The following PKNOX2 variants were observed in gnomAD, a reference collection of about 807,000 sequenced individuals.
PKNOX2 encodes homeobox protein PKNOX2.
A neutral mutation model predicts 53.1 loss-of-function variants in PKNOX2; 14 were observed. The observed-to-expected ratio is 0.26, with a 90% CI of 0.17 to 0.41. The LOEUF (loss-of-function observed/expected upper bound fraction) is 0.41, where lower values mean the gene tolerates loss of function less well. Ranked by LOEUF, PKNOX2 falls within the 10% of genes least tolerant of loss-of-function variation. The pLI, the probability that PKNOX2 is intolerant of heterozygous loss-of-function variation, is 1.00. For missense variants in PKNOX2, 496 were observed against 602.8 expected, an observed-to-expected ratio of 0.82 and a Z score of 1.85; for synonymous variants, 257 against 242.8, an observed-to-expected ratio of 1.06 and a Z score of -0.54.
intron 2 of PKNOX2, among the ~76,000 whole-genome samples, chr11:125,266,485 G>A (rs1478018731): frequency 1.3e-5 from 2 of 152,210 alleles, no homozygotes; most frequent in Non-Finnish European, 2.9e-5. Context: ...CTTTTCTGAA[G>A]GGGTGGGATT....
chr11:125,430,237 T>G, intron 12 of PKNOX2, 96 bp downstream of exon 12: 29 of 1,387,298 alleles, frequency 2.1e-5, no homozygotes, highest in Non-Finnish European at 2.6e-5. Context: ...GGCTATCTCC[T>G]TACCTGGGCT....
chr11:125,245,344 G>A (rs1943479355), intron 2 of PKNOX2, among the ~76,000 whole-genome samples: 1 of 152,238 alleles, frequency 6.6e-6, no homozygotes, highest in Admixed American at 6.5e-5. Flanking sequence ...CCCTCCACCA[G>A]CCCTCTGAGT....
intron 6 of PKNOX2, among the ~76,000 whole-genome samples, chr11:125,391,995 G>A (rs1393831342): frequency 6.6e-6 from 1 of 152,168 alleles, no homozygotes; most frequent in African/African-American, 2.4e-5. Flanking sequence ...ATCCAAAATT[G>A]TAAACACAGG....
intron 6 of PKNOX2, among the ~76,000 whole-genome samples, chr11:125,393,762 T>C (rs1954223717): frequency 6.7e-6 from 1 of 148,366 alleles, no homozygotes; most frequent in Non-Finnish European, 1.5e-5. Flanking sequence ...CCAGGAAGGG[T>C]TCTGGAAATC....
intron 5 of PKNOX2, among the ~76,000 whole-genome samples, chr11:125,383,130 AGT>A (rs1953368545): frequency 6.6e-6 from 1 of 152,286 alleles, no homozygotes; most frequent in African/African-American, 2.4e-5. Flanking sequence ...ATAAAATGCG[AGT>A]GTGAGTGTGG....
chr11:125,292,500 T>C (rs1235154199), intron 2 of PKNOX2, among the ~76,000 whole-genome samples: 1 of 152,140 alleles, frequency 6.6e-6, no homozygotes, highest in Non-Finnish European at 1.5e-5. Context: ...GGGAATTCTT[T>C]CTGGAATTAA....
chr11:125,343,170 T>TTCCTGCTGCC, intron 3 of PKNOX2, among the ~76,000 whole-genome samples: 1 of 152,094 alleles, frequency 6.6e-6, no homozygotes, highest in East Asian at 1.9e-4. Flanking sequence ...GTACCCTAAG[T>TTCCTGCTGCC]TGAACATCAC....
intron 2 of PKNOX2, among the ~76,000 whole-genome samples, chr11:125,236,030 C>CATATA (rs1942651700): frequency 1.3e-5 from 2 of 152,220 alleles, no homozygotes; most frequent in African/African-American, 4.8e-5. Flanking sequence ...TTTGATAGTA[C>CATATA]GTTGGCTTCC....
chr11:125,195,699 C>T (rs1310147679), intron 1 of PKNOX2, among the ~76,000 whole-genome samples: 1 of 152,136 alleles, frequency 6.6e-6, no homozygotes, highest in Admixed American at 6.5e-5. Context: ...CTCCTTTTTA[C>T]AACACTGAGT....
chr11:125,315,822 C>G lies in PKNOX2; in HGVS notation c.-129-15997C>G, dbSNP rs543088209. ...CCCCCATGGCCTCCCCAGTGCCACC[C>G]CCTACCCGAGGCTTAAAGCTGTCCT... On this transcript the variant is annotated intron_variant, in intron 2 of 12. Transcript: ENST00000298282. Among the ~76,000 whole-genome samples the G allele has an allele frequency of 8.5e-5, 13 of 152,180 alleles. No individual in the cohort carries two copies. In the South Asian group the frequency reaches 2.7e-3, roughly 32 times the overall value.
rs1164042853 is a variant in PKNOX2, at chr11:125,166,175, G to A, written c.-201+1399G>A. On this transcript the variant is annotated intron_variant, in intron 1 of 12. Transcript: ENST00000298282. The surrounding 1 kb of genome is among the most constrained non-coding windows in gnomAD (Gnocchi z 4.0). ...AGAGGGCTGGAGGTCGGAGTTGGGG[G>A]CTGGAGGAACGGGTGGCGTTTTTAG... 6.6e-6 allele frequency among the ~76,000 whole-genome samples: 1 copy of A among 152,182 alleles called. No homozygotes were observed. Among genetic ancestry groups the A allele is most frequent in the Non-Finnish European group, 1.5e-5 (1 of 68,042 alleles).
intron 1 of PKNOX2, among the ~76,000 whole-genome samples, chr11:125,181,449 C>T (rs1956153017): frequency 6.6e-6 from 1 of 150,802 alleles, no homozygotes; most frequent in Admixed American, 6.6e-5. Context: ...AGAGGCTTTG[C>T]CCTCTTGGTT....
intron 2 of PKNOX2, among the ~76,000 whole-genome samples, chr11:125,301,482 T>C (rs556140922): frequency 6.6e-6 from 1 of 152,018 alleles, no homozygotes; most frequent in African/African-American, 2.4e-5. Context: ...TTTTCCGTGG[T>C]GCAGACAGAG....
intron 2 of PKNOX2, among the ~76,000 whole-genome samples, chr11:125,263,295 C>T (rs1034543968): frequency 3.3e-5 from 5 of 152,236 alleles, no homozygotes; most frequent in Non-Finnish European, 7.3e-5. Context: ...CCAGGGCAGG[C>T]TCAGCCGCTC....
At chr11:125,233,268 A>C (rs1039257156) in intron 1 of PKNOX2, among the ~76,000 whole-genome samples, 13 of 152,220 alleles carry the variant, frequency 8.5e-5, no homozygotes, top group African/African-American at 3.1e-4. Flanking sequence ...CTTTCAAGTC[A>C]CAGGTGTCTC....
At chr11:125,379,972 A>G (rs1321190293) in intron 5 of PKNOX2, among the ~76,000 whole-genome samples, 2 of 122,322 alleles carry the variant, frequency 1.6e-5, no homozygotes, top group Non-Finnish European at 3.2e-5. Flanking sequence ...TTTAGTTCAG[A>G]TGCTCCTGGG....
At chr11:125,213,027 T>C (rs1257396248) in intron 1 of PKNOX2, among the ~76,000 whole-genome samples, 2 of 152,082 alleles carry the variant, frequency 1.3e-5, no homozygotes, top group African/African-American at 4.8e-5. Flanking sequence ...CCTGAACTCC[T>C]AGCCTCACCA....
chr11:125,350,869 C>T (rs1212193350), intron 3 of PKNOX2, among the ~76,000 whole-genome samples: 1 of 152,052 alleles, frequency 6.6e-6, no homozygotes, highest in Admixed American at 6.5e-5. Context: ...TGGGAAACAG[C>T]GGGGCCAGGA....
intron 3 of PKNOX2, among the ~76,000 whole-genome samples, chr11:125,340,210 C>T (rs2136148867): frequency 6.6e-6 from 1 of 152,302 alleles, no homozygotes; most frequent in South Asian, 2.1e-4. Context: ...TGTACAAAAG[C>T]CCAGGCTCGG....
Sources: gnomAD v4.1 joint callset for allele counts (sites outside exome capture counted in the v4.1 genomes callset) on GRCh38, gnomAD v4.1.1 for gene constraint, Gnocchi (gnomAD v3.1) non-coding constraint, MANE v1.5 for transcripts, NCBI Gene and HGNC (gene_info 2026-07-23, HGNC 2026-07-21) for gene names.